The following DAAM1 variants were observed in gnomAD, a reference collection of about 807,000 sequenced individuals.
DAAM1 encodes dishevelled associated activator of morphogenesis 1, also known as disheveled-associated activator of morphogenesis 1.
Under a neutral mutation model 130.0 loss-of-function variants are expected in DAAM1, and 52 were observed. The ratio of observed to expected loss-of-function variants is 0.40; its 90% CI spans 0.32 to 0.50. The LOEUF (loss-of-function observed/expected upper bound fraction) is 0.50. DAAM1 is among the 20% of genes least tolerant of loss of function. The pLI is 0.61. For synonymous variants in DAAM1, 452 were observed against 444.5 expected (o/e 1.02, Z -0.21); for missense variants, 1,134 against 1,303.8 (o/e 0.87, Z 2.01).
At chr14:59,191,642 TA>T (rs1199878657) in intron 1 of DAAM1, among the ~76,000 whole-genome samples, 20 of 152,188 alleles carry the variant, frequency 1.3e-4, no homozygotes, top group African/African-American at 4.3e-4. Context: ...GCTTTTAGAA[TA>T]CATTCACTCA....
intron 2 of DAAM1, among the ~76,000 whole-genome samples, chr14:59,266,831 G>A (rs112543134): frequency 2.6e-5 from 4 of 152,178 alleles, no homozygotes; most frequent in African/African-American, 9.7e-5. Context: ...CTGGTCTCTG[G>A]AGTCAAACAC....
At chr14:59,280,622 C>T (rs1310656424) in intron 2 of DAAM1, among the ~76,000 whole-genome samples, 1 of 127,176 alleles carries the variant, frequency 7.9e-6, no homozygotes, top group Non-Finnish European at 1.6e-5. Context: ...AAATTGAGTT[C>T]GCGTCTTTTG....
chr14:59,244,849 C>T (rs1283487300), intron 1 of DAAM1, among the ~76,000 whole-genome samples: 2 of 152,196 alleles, frequency 1.3e-5, no homozygotes, highest in Non-Finnish European at 2.9e-5. Context: ...TTACGTGACA[C>T]TACCCAGTGA....
chr14:59,342,618 C>T (rs143313242), intron 16 of DAAM1, among the ~76,000 whole-genome samples: 13 of 152,220 alleles, frequency 8.5e-5, no homozygotes, highest in East Asian at 5.8e-4. Context: ...TGCCCAGCAC[C>T]GTGCTGAGTG....
intron 3 of DAAM1, among the ~76,000 whole-genome samples, chr14:59,300,231 G>C (rs1247778369): frequency 1.3e-5 from 2 of 152,172 alleles, no homozygotes; most frequent in Non-Finnish European, 2.9e-5. Flanking sequence ...AAATAAGTAA[G>C]TTATTAGGTT....
At chr14:59,295,789 G>A (rs11628165) in intron 3 of DAAM1, among the ~76,000 whole-genome samples, 4 of 152,164 alleles carry the variant, frequency 2.6e-5, no homozygotes, top group Non-Finnish European at 2.9e-5. Flanking sequence ...TGTGAGAAAA[G>A]GGGTAAACTG....
rs1594794103 is a variant in DAAM1, at chr14:59,275,614, A to T, written c.183+11954A>T. Among the ~76,000 whole-genome samples the T allele has an allele frequency of 2.0e-5, 3 of 152,318 alleles. No homozygotes were observed. In the East Asian group the frequency reaches 5.8e-4, roughly 29 times the overall value. On this transcript the variant is annotated intron_variant, in intron 2 of 24. Coordinates refer to ENST00000360909, the MANE Select transcript of DAAM1 (RefSeq NM_001270520.2). ...ACTATTAAAACTTGAAGTCACTCTAATGAGTTTCTAGTTTAACGGTAAAAA... is the reference window on the plus strand; with the variant it reads ...ACTATTAAAACTTGAAGTCACTCTATTGAGTTTCTAGTTTAACGGTAAAAA...
intron 1 of DAAM1, among the ~76,000 whole-genome samples, chr14:59,233,577 C>T (rs1023584225): frequency 1.3e-5 from 2 of 151,624 alleles, no homozygotes; most frequent in African/African-American, 4.8e-5. Context: ...TTCTCTCATT[C>T]TGTAGGTTGC....
chr14:59,345,564 C>T (rs1886040941), intron 16 of DAAM1, among the ~76,000 whole-genome samples: 2 of 152,140 alleles, frequency 1.3e-5, no homozygotes, highest in Non-Finnish European at 2.9e-5. Context: ...ATGGTTTTAA[C>T]ATAATCGGGT....
At chr14:59,305,962 A>AT (rs1246579471) in intron 3 of DAAM1, among the ~76,000 whole-genome samples, 2 of 152,042 alleles carry the variant, frequency 1.3e-5, no homozygotes, top group Admixed American at 6.6e-5. Context: ...GTCTCAAAGG[A>AT]TTTTTTCCCA....
chr14:59,228,699 T>A (rs981202223), intron 1 of DAAM1, among the ~76,000 whole-genome samples: 4 of 152,180 alleles, frequency 2.6e-5, no homozygotes, highest in Non-Finnish European at 5.9e-5. Flanking sequence ...TATTCTCCAC[T>A]CAGAACCACC....
At chr14:59,201,984 TC>T (rs1428629868) in intron 1 of DAAM1, among the ~76,000 whole-genome samples, 4 of 152,172 alleles carry the variant, frequency 2.6e-5, no homozygotes, top group Admixed American at 6.6e-5. Context: ...CTGAAAAACC[TC>T]TAAATCTGTA....
chr14:59,362,049 G>A (rs1886725224), intron 22 of DAAM1, among the ~76,000 whole-genome samples: 1 of 148,832 alleles, frequency 6.7e-6, no homozygotes, highest in African/African-American at 2.5e-5. Flanking sequence ...TAGGGAGTAG[G>A]GGGCAGTATT....
chr14:59,202,575 T>C (rs1888139320), intron 1 of DAAM1, among the ~76,000 whole-genome samples: 1 of 152,222 alleles, frequency 6.6e-6, no homozygotes, highest in Non-Finnish European at 1.5e-5. Context: ...TGTATGTTCT[T>C]AGAGAAACCC....
intron 12 of DAAM1, among the ~76,000 whole-genome samples, chr14:59,327,364 T>C (rs1360625382): frequency 6.8e-6 from 1 of 147,370 alleles, no homozygotes; most frequent in Admixed American, 7.0e-5. Context: ...TGAGGAATTA[T>C]CCAAAATTTT....
At chr14:59,364,955 C>A (rs1372721118) in intron 23 of DAAM1, among the ~76,000 whole-genome samples, 2 of 152,200 alleles carry the variant, frequency 1.3e-5, no homozygotes, top group African/African-American at 2.4e-5. Context: ...TGCCTCACCA[C>A]TTTAGAGTTT....
At chr14:59,332,046 G>T (rs1390951519) in intron 15 of DAAM1, 126 bp downstream of exon 15, 2 of 746,348 alleles carry the variant, frequency 2.7e-6, no homozygotes, top group Non-Finnish European at 4.5e-6. Context: ...GATCTACCCT[G>T]TGCATGTCCG....
At chr14:59,223,456 G>T (rs1888839917) in intron 1 of DAAM1, among the ~76,000 whole-genome samples, 1 of 152,182 alleles carries the variant, frequency 6.6e-6, no homozygotes, top group South Asian at 2.1e-4. Flanking sequence ...AATCCTAAAA[G>T]CCGGTGCTGC....
At chr14:59,217,240 CTG>C (rs35352679) in intron 1 of DAAM1, among the ~76,000 whole-genome samples, 35,415 of 151,848 alleles carry the variant, frequency 0.23, 4,652 homozygotes, top group East Asian at 0.34. Flanking sequence ...GGACTGCTCC[CTG>C]TGTGTGTGTC....
Sources: allele counts gnomAD v4.1 joint callset (sites outside exome capture counted in the v4.1 genomes callset), GRCh38; gene constraint gnomAD v4.1.1; transcripts MANE v1.5; gene names NCBI Gene and HGNC (gene_info 2026-07-23, HGNC 2026-07-21).